The following MYL12B variants were observed in gnomAD, a reference collection of about 807,000 sequenced individuals.
MYL12B encodes myosin regulatory light chain 12B.
MYL12B carries 3 observed loss-of-function variants against 12.9 expected under a neutral mutation model. The ratio of observed to expected loss-of-function variants is 0.23; its 90% CI spans 0.11 to 0.60. The LOEUF (loss-of-function observed/expected upper bound fraction) is 0.60. Among genes scored for constraint, MYL12B ranks in the 20% least tolerant of loss-of-function variants. MYL12B has a pLI of 0.89. For synonymous variants in MYL12B, 57 were observed against 71.9 expected, an observed-to-expected ratio of 0.79 and a Z score of 1.05; for missense variants, 120 against 215.4, an observed-to-expected ratio of 0.56 and a Z score of 2.77.
Position 3,277,799 on chromosome 18 carries a change from G to C in MYL12B, c.381G>C (p.Leu127=). Residue 127 remains leucine, a synonymous_variant, in exon 4 of 4, where the codon CTG becomes CTC. Transcript: ENST00000237500. Reference sequence around the variant, plus strand: ...AGGAAGATTACCTAAGAGAGCTGCTGACAACCATGGGGGATCGGTTTACAG... The same window carrying C: ...AGGAAGATTACCTAAGAGAGCTGCTCACAACCATGGGGGATCGGTTTACAG... ...TIQEDYLREL[L]TTMGDRFTDE... 1 of 1,613,748 alleles carries C rather than the reference G, an allele frequency of 6.2e-7. No individual in the cohort carries two copies. The highest frequency in any genetic ancestry group is 8.5e-7 in the Non-Finnish European group (1 of 1,179,880).
rs189741847 is a variant in MYL12B at position 3,275,121 on chromosome 18, G to A, written c.184+2039G>A. Among the ~76,000 whole-genome samples, 228 of 151,968 alleles carry A rather than the reference G, an allele frequency of 1.5e-3. 5 individuals carry two copies. Among genetic ancestry groups the A allele is most frequent in the Middle Eastern group, 0.01 (3 of 294 alleles). ...TAAAAATGTGGTACTTATGTACAAT[G>A]GAATACTGTTCGACCATAAAAAATG... is the stretch of plus-strand genomic sequence containing the variant. On this transcript the variant is annotated intron_variant, in intron 2 of 3. Coordinates refer to ENST00000237500, the MANE Select transcript of MYL12B (RefSeq NM_033546.4).
Position 3,277,980 on chromosome 18 carries a change from C to T in MYL12B, c.*43C>T. ...TCTTCCAGTTACATTGTCTTACTCT[C>T]TTTTACTTCTCAGACACTTCCCCCA... is the stretch of plus-strand genomic sequence containing the variant. On this transcript the variant is annotated 3_prime_UTR_variant, in exon 4 of 4. Transcript: ENST00000237500. The T allele has an allele frequency of 1.3e-6, 2 of 1,590,966 alleles. No individual in the cohort carries two copies. Among genetic ancestry groups the T allele is most frequent in the East Asian group, 2.3e-5 (1 of 43,730 alleles).
Position 3,273,124 on chromosome 18 carries a change from A to C in MYL12B, c.184+42A>C, listed in dbSNP as rs369512177. ...TTATTTGTATTTTCCCTAAAATAAT[A>C]ATTTGTCTCTTTATGAATCTTTTTT... On this transcript the variant is annotated intron_variant, in intron 2 of 3. Coordinates refer to ENST00000237500, the MANE Select transcript of MYL12B (RefSeq NM_033546.4). 119 of 1,516,536 alleles carry C rather than the reference A, an allele frequency of 7.8e-5. No individual in the cohort carries two copies. The African/African-American group carries it at 1.4e-3, about 18-fold the overall frequency. The allele number at this position is 1,516,536 out of a possible 1,614,324, so 93.9% of individuals were successfully genotyped here. A position where few individuals can be genotyped will look rare whatever the true frequency, so the allele number is the denominator to read the frequency against.
At chr18:3,264,471 A>G (rs1002133871) in intron 1 of MYL12B, among the ~76,000 whole-genome samples, 4 of 152,126 alleles carry the variant, frequency 2.6e-5, no homozygotes, top group Admixed American at 1.3e-4. Flanking sequence ...TGAGAAGCCA[A>G]TGTGGGGGGA....
At chr18:3,273,827 A>G (rs938253766) in intron 2 of MYL12B, among the ~76,000 whole-genome samples, 1 of 143,816 alleles carries the variant, frequency 7.0e-6, no homozygotes, top group Non-Finnish European at 1.5e-5. Flanking sequence ...CTGACTGGCC[A>G]AAAAGGCAAA....
At chr18:3,275,441 A>G (rs951576322) in intron 2 of MYL12B, among the ~76,000 whole-genome samples, 4 of 152,170 alleles carry the variant, frequency 2.6e-5, no homozygotes, top group African/African-American at 9.7e-5. Flanking sequence ...TACATTTTAA[A>G]ATAACTCAGT....
intron 1 of MYL12B, among the ~76,000 whole-genome samples, chr18:3,265,456 TAGCCCAAGAA>T (rs1265989513): frequency 6.6e-6 from 1 of 152,208 alleles, no homozygotes; most frequent in African/African-American, 2.4e-5. Flanking sequence ...CCTTAGGTTT[TAGCCCAAGAA>T]CTACTCTCTG....
intron 2 of MYL12B, chr18:3,276,785 C>T: frequency 2.3e-6 from 1 of 434,622 alleles, no homozygotes; most frequent in Non-Finnish European, 3.1e-6. Context: ...GCCTGCAATC[C>T]CATCACTTTG....
At position 3,277,809 on chromosome 18, in the gene MYL12B, G is replaced by C; in HGVS notation, c.391G>C (p.Gly131Arg). The C allele has an allele frequency of 4.3e-6, 7 of 1,613,820 alleles. No homozygotes were observed. The highest frequency in any genetic ancestry group is 5.9e-6 in the Non-Finnish European group (7 of 1,179,890). Residue 131 changes from glycine (G) to arginine (R), a missense_variant, in exon 4 of 4, where the codon GGG (glycine) becomes CGG (arginine). Transcript: ENST00000237500. ...DYLRELLTTM[G>R]DRFTDEEVDE... ...CCTAAGAGAGCTGCTGACAACCATG[G>C]GGGATCGGTTTACAGATGAGGAAGT...
At chr18:3,267,861 C>T (rs143388152) in intron 1 of MYL12B, among the ~76,000 whole-genome samples, 17 of 152,284 alleles carry the variant, frequency 1.1e-4, no homozygotes, top group African/African-American at 2.4e-4. Flanking sequence ...GCTCAAGTCT[C>T]CCATATAAAA....
At chr18:3,272,119 A>AGGAAAT in intron 1 of MYL12B, 1 of 985,380 alleles carries the variant, frequency 1.0e-6, no homozygotes, top group Non-Finnish European at 1.2e-6. Context: ...ATGCAGGGAT[A>AGGAAAT]GCTAGAAAGA....
chr18:3,272,846 GT>G, intron 1 of MYL12B, 37 bp from the exon 2 acceptor site: 1 of 1,498,818 alleles, frequency 6.7e-7, no homozygotes, highest in African/African-American at 1.4e-5. Flanking sequence ...TTTATACATT[GT>G]TTTGTTTTAC....
chr18:3,269,314 G>A (rs1184184506), intron 1 of MYL12B, among the ~76,000 whole-genome samples: 1 of 152,140 alleles, frequency 6.6e-6, no homozygotes, highest in Non-Finnish European at 1.5e-5. Context: ...AGAGGCAAGG[G>A]GATAGTGAAG....
chr18:3,268,669 G>A (rs1268979124), intron 1 of MYL12B, among the ~76,000 whole-genome samples: 2 of 152,186 alleles, frequency 1.3e-5, no homozygotes, highest in Non-Finnish European at 2.9e-5. Flanking sequence ...AGAAATCAGT[G>A]TTGAATTATA....
At chr18:3,266,911 C>A (rs1036866662) in intron 1 of MYL12B, among the ~76,000 whole-genome samples, 1 of 151,946 alleles carries the variant, frequency 6.6e-6, no homozygotes, top group Non-Finnish European at 1.5e-5. Context: ...CTGGGGAAGC[C>A]GAAATGACCA....
At chr18:3,275,399 A>G (rs1434156837) in intron 2 of MYL12B, among the ~76,000 whole-genome samples, 1 of 152,194 alleles carries the variant, frequency 6.6e-6, no homozygotes. Context: ...GGATAGAATA[A>G]CAAGGTGACT....
At chr18:3,266,169 C>G (rs1371106154) in intron 1 of MYL12B, among the ~76,000 whole-genome samples, 1 of 152,148 alleles carries the variant, frequency 6.6e-6, no homozygotes, top group African/African-American at 2.4e-5. Flanking sequence ...GGCACAGGGT[C>G]TCTCATGAGG....
At chr18:3,263,976 C>CCTAT (rs771178509) in intron 1 of MYL12B, among the ~76,000 whole-genome samples, 19 of 152,232 alleles carry the variant, frequency 1.2e-4, no homozygotes, top group Non-Finnish European at 2.5e-4. Flanking sequence ...GATAACAATA[C>CCTAT]CTATATGATG....
chr18:3,264,260 G>A (rs2081619115), intron 1 of MYL12B, among the ~76,000 whole-genome samples: 2 of 152,052 alleles, frequency 1.3e-5, no homozygotes, highest in Non-Finnish European at 2.9e-5. Flanking sequence ...AACTATATAT[G>A]TATATACACT....
Sources: allele counts gnomAD v4.1 joint callset (sites outside exome capture counted in the v4.1 genomes callset), GRCh38; gene constraint gnomAD v4.1.1; transcripts MANE v1.5; gene names NCBI Gene and HGNC (gene_info 2026-07-23, HGNC 2026-07-21).